The following HIVEP1 variants were observed in gnomAD, a reference collection of about 807,000 sequenced individuals.
HIVEP1 encodes the protein zinc finger protein 40.
In HIVEP1, 36 loss-of-function variants were observed where a neutral mutation model predicts 180.0. That is an observed-to-expected ratio of 0.20 (90% CI 0.15 to 0.26). HIVEP1 has a LOEUF of 0.26. Ranked by LOEUF, HIVEP1 falls within the 10% of genes least tolerant of loss-of-function variation. The probability of loss-of-function intolerance (pLI) is 1.00; values close to 1 mark genes in which losing one functional copy is unlikely to be tolerated. For synonymous variants in HIVEP1, 1,239 were observed against 1,239.0 expected (o/e 1.00, Z 0.00); for missense variants, 3,143 against 3,268.7 (o/e 0.96, Z 0.94).
At chr6:12,126,430 C>A (rs528285135) in intron 4 of HIVEP1, among the ~76,000 whole-genome samples, 1 of 152,244 alleles carries the variant, frequency 6.6e-6, no homozygotes, top group Admixed American at 6.5e-5. Context: ...CAAAATAATT[C>A]ATATACTTGG....
intron 2 of HIVEP1, among the ~76,000 whole-genome samples, chr6:12,042,235 G>T (rs1167166650): frequency 1.3e-5 from 2 of 149,884 alleles, no homozygotes; most frequent in Non-Finnish European, 3.0e-5. Context: ...GCCCGCCACC[G>T]CGCCTGGCTA....
chr6:12,111,864 G>A (rs1373838335), intron 3 of HIVEP1, among the ~76,000 whole-genome samples: 1 of 152,194 alleles, frequency 6.6e-6, no homozygotes. Flanking sequence ...AACATTTACA[G>A]GTTCCAGAGG....
intron 3 of HIVEP1, among the ~76,000 whole-genome samples, chr6:12,119,434 C>G (rs1304586324): frequency 6.6e-6 from 1 of 152,214 alleles, no homozygotes; most frequent in African/African-American, 2.4e-5. Flanking sequence ...CAGTTCCAAC[C>G]AGCTTCAACC....
chr6:12,183,988 GATAGA>G, the HIVEP1 span, among the ~76,000 whole-genome samples: 7 of 130,424 alleles, frequency 5.4e-5, no homozygotes, highest in East Asian at 1.4e-3. Context: ...TAGATAGATA[GATAGA>G]TAGATAGATA....
intron 4 of HIVEP1, among the ~76,000 whole-genome samples, chr6:12,127,654 G>A (rs191358475): frequency 3.3e-5 from 5 of 152,308 alleles, no homozygotes; most frequent in African/African-American, 1.2e-4. Context: ...TAAAGAAGAG[G>A]AGAGAGCCTA....
At chr6:12,077,410 C>A (rs1772437956) in intron 2 of HIVEP1, among the ~76,000 whole-genome samples, 1 of 152,286 alleles carries the variant, frequency 6.6e-6, no homozygotes, top group African/African-American at 2.4e-5. Flanking sequence ...GGTGGGTGCT[C>A]TAGTGCCATG....
At chr6:12,065,179 T>G (rs993427793) in intron 2 of HIVEP1, among the ~76,000 whole-genome samples, 3 of 152,138 alleles carry the variant, frequency 2.0e-5, no homozygotes, top group African/African-American at 7.2e-5. Flanking sequence ...CATTAGTAGG[T>G]GTTTCTGAGA....
chr6:12,168,373 C>T (rs1434045960), downstream of HIVEP1, among the ~76,000 whole-genome samples: 1,703 of 118,024 alleles, frequency 0.014, 24 homozygotes, highest in Middle Eastern at 0.041. Context: ...TATACATATA[C>T]ATGTATATAT....
At chr6:12,067,502 T>G (rs1482933047) in intron 2 of HIVEP1, among the ~76,000 whole-genome samples, 2 of 151,848 alleles carry the variant, frequency 1.3e-5, no homozygotes, top group Non-Finnish European at 3.0e-5. Context: ...AGCTTGGATT[T>G]TTTTTTTAAG....
intron 2 of HIVEP1, among the ~76,000 whole-genome samples, chr6:12,071,229 C>T (rs1448036022): frequency 4.6e-5 from 7 of 152,158 alleles, no homozygotes; most frequent in African/African-American, 1.4e-4. Context: ...ACACTTCCCT[C>T]GGTTATGTGT....
At chr6:12,150,190 G>A (rs1012818541) in intron 7 of HIVEP1, among the ~76,000 whole-genome samples, 9 of 152,294 alleles carry the variant, frequency 5.9e-5, no homozygotes, top group African/African-American at 2.2e-4. Context: ...CATAAAACAT[G>A]ATATAGCCTC....
At chr6:12,089,329 A>G (rs1475358167) in intron 3 of HIVEP1, 92 bp downstream of exon 3, 3 of 681,918 alleles carry the variant, frequency 4.4e-6, no homozygotes, top group South Asian at 4.1e-5. Flanking sequence ...ATAAATCAGT[A>G]TAGACATATC....
the HIVEP1 span, among the ~76,000 whole-genome samples, chr6:12,203,034 G>T: frequency 6.6e-6 from 1 of 152,206 alleles, no homozygotes; most frequent in Non-Finnish European, 1.5e-5. Context: ...ATTTTCAGAT[G>T]TTGAATGCAC....
chr6:12,196,827 T>G, the HIVEP1 span, among the ~76,000 whole-genome samples: 8 of 152,246 alleles, frequency 5.3e-5, no homozygotes, highest in Non-Finnish European at 1.2e-4. Flanking sequence ...ATTTATTTCA[T>G]TTAACTAAGA....
chr6:12,112,587 C>T (rs954252784), intron 3 of HIVEP1, among the ~76,000 whole-genome samples: 7 of 152,034 alleles, frequency 4.6e-5, no homozygotes, highest in East Asian at 1.9e-4. Flanking sequence ...GTGCTTATGG[C>T]GGGGACTGGG....
At chr6:12,062,522 T>G (rs1771306474) in intron 2 of HIVEP1, among the ~76,000 whole-genome samples, 1 of 152,240 alleles carries the variant, frequency 6.6e-6, no homozygotes, top group Non-Finnish European at 1.5e-5. Context: ...TGGTTTTCTT[T>G]TTTTCAATTG....
At position 12,163,766 on chromosome 6, in the gene HIVEP1, C is replaced by G; in HGVS notation, c.7462C>G (p.Leu2488Val). Reference protein sequence around the residue: ...QNLSTPGLQSLPSLSMETVNI... With the variant: ...QNLSTPGLQSVPSLSMETVNI... ...CCTAAGTACCCCAGGCTTGCAGTCACTCCCCTCGTTAAGCATGGAAACCGT... is the reference window on the plus strand; with the variant it reads ...CCTAAGTACCCCAGGCTTGCAGTCAGTCCCCTCGTTAAGCATGGAAACCGT... The change falls in exon 9 of 9, where the codon CTC becomes GTC. Residue 2488 changes from leucine to valine, a missense_variant. Leu to Val is a conservative substitution (Grantham distance 32). This residue lies in a region of HIVEP1 where 595 missense variants were observed against 602.2 expected (regional missense o/e 0.99). Transcript: ENST00000379388. 6.2e-7 allele frequency: 1 copy of G among 1,614,156 alleles called. No individual in the cohort carries two copies. Among genetic ancestry groups the G allele is most frequent in the Non-Finnish European group, 8.5e-7 (1 of 1,180,040 alleles).
At chr6:12,203,664 A>G in the HIVEP1 span, among the ~76,000 whole-genome samples, 2 of 152,264 alleles carry the variant, frequency 1.3e-5, no homozygotes, top group Non-Finnish European at 1.5e-5. Flanking sequence ...AGGCAATGAG[A>G]AAATGAATTG....
At chr6:12,168,207 TATAC>T (rs1230072425), downstream of HIVEP1, among the ~76,000 whole-genome samples, 204 of 97,012 alleles carry the variant, frequency 2.1e-3, 9 homozygotes, top group Middle Eastern at 6.6e-3. Flanking sequence ...TATATACATA[TATAC>T]ATATATACAT....
Sources: allele counts gnomAD v4.1 joint callset (sites outside exome capture counted in the v4.1 genomes callset), GRCh38; gene constraint gnomAD v4.1.1; regional missense constraint gnomAD v4.1.1; transcripts MANE v1.5; gene names NCBI Gene and HGNC (gene_info 2026-07-23, HGNC 2026-07-21).